The following RPS6KC1 variants were observed in gnomAD, a reference collection of about 807,000 sequenced individuals.
RPS6KC1 encodes inactive ribosomal protein S6 kinase delta-1.
Under a neutral mutation model 103.8 loss-of-function variants are expected in RPS6KC1, and 54 were observed. The ratio of observed to expected loss-of-function variants is 0.52; its 90% CI spans 0.42 to 0.65. The LOEUF (loss-of-function observed/expected upper bound fraction) is 0.65, where lower values mean the gene tolerates loss of function less well. Among genes scored for constraint, RPS6KC1 ranks in the 30% least tolerant of loss-of-function variants. The probability of loss-of-function intolerance (pLI) is 0.00; values close to 1 mark genes in which losing one functional copy is unlikely to be tolerated. For missense variants in RPS6KC1, 1,151 were observed against 1,253.8 expected, an observed-to-expected ratio of 0.92 and a Z score of 1.24; for synonymous variants, 439 against 438.7, an observed-to-expected ratio of 1.00 and a Z score of -0.01.
chr1:213,433,366 CA>C, the RPS6KC1 span, among the ~76,000 whole-genome samples: 5 of 152,220 alleles, frequency 3.3e-5, no homozygotes, highest in African/African-American at 9.6e-5. Flanking sequence ...ATTACAACTG[CA>C]AAGCCCCCTT....
chr1:213,831,378 G>A, the RPS6KC1 span, among the ~76,000 whole-genome samples: 2 of 152,182 alleles, frequency 1.3e-5, no homozygotes, highest in African/African-American at 4.8e-5. Context: ...GAAGCAAGAG[G>A]TTGGAGTGAT....
At chr1:213,643,731 C>T in the RPS6KC1 span, among the ~76,000 whole-genome samples, 1 of 151,694 alleles carries the variant, frequency 6.6e-6, no homozygotes, top group South Asian at 2.1e-4. Context: ...ATTGGAAGTT[C>T]TTCTAATGTT....
chr1:213,139,523 G>A (rs1358327636), intron 6 of RPS6KC1, among the ~76,000 whole-genome samples: 1 of 151,806 alleles, frequency 6.6e-6, no homozygotes. Context: ...TTTATATATG[G>A]TAAAAAGTAG....
chr1:213,351,227 T>G, the RPS6KC1 span, among the ~76,000 whole-genome samples: 6 of 152,212 alleles, frequency 3.9e-5, no homozygotes, highest in African/African-American at 1.4e-4. Context: ...TGTAGCTAGA[T>G]TTTAGTAGAC....
At chr1:213,582,840 T>A in the RPS6KC1 span, among the ~76,000 whole-genome samples, 1 of 152,202 alleles carries the variant, frequency 6.6e-6, no homozygotes, top group Non-Finnish European at 1.5e-5. Flanking sequence ...TGTATGCACT[T>A]TTGTAACACC....
At chr1:213,625,699 G>A in the RPS6KC1 span, among the ~76,000 whole-genome samples, 68 of 152,232 alleles carry the variant, frequency 4.5e-4, no homozygotes, top group African/African-American at 1.4e-3. Context: ...TTGTCCTTGC[G>A]ATAGTTTGCT....
downstream of RPS6KC1, among the ~76,000 whole-genome samples, chr1:213,275,519 C>T (rs1031950698): frequency 1.6e-4 from 24 of 152,152 alleles, no homozygotes; most frequent in African/African-American, 5.8e-4. Context: ...AGCCATTTAA[C>T]TGTGACATGA....
the RPS6KC1 span, among the ~76,000 whole-genome samples, chr1:213,689,289 T>C: frequency 6.6e-5 from 10 of 152,278 alleles, no homozygotes; most frequent in South Asian, 1.2e-3. Flanking sequence ...CCCTTCTCTT[T>C]AGTCTCCTTT....
At chr1:213,437,540 A>C in the RPS6KC1 span, among the ~76,000 whole-genome samples, 1 of 152,040 alleles carries the variant, frequency 6.6e-6, no homozygotes, top group Non-Finnish European at 1.5e-5. Context: ...AAGTTGATGT[A>C]AGATTGGGGC....
chr1:213,105,702 C>CA (rs2082421928), intron 4 of RPS6KC1, among the ~76,000 whole-genome samples: 1 of 152,156 alleles, frequency 6.6e-6, no homozygotes, highest in Non-Finnish European at 1.5e-5. Flanking sequence ...CACCATTCTG[C>CA]AAACTAGGCT....
At chr1:213,701,865 A>G in the RPS6KC1 span, among the ~76,000 whole-genome samples, 1 of 151,528 alleles carries the variant, frequency 6.6e-6, no homozygotes, top group African/African-American at 2.4e-5. Context: ...CAAAAATCCT[A>G]CTTTTGTTTC....
chr1:213,453,606 G>A, the RPS6KC1 span, among the ~76,000 whole-genome samples: 6 of 152,188 alleles, frequency 3.9e-5, no homozygotes, highest in Admixed American at 1.3e-4. Flanking sequence ...CAATTAGTGT[G>A]GTTGGAGCTC....
At chr1:213,409,928 T>TGA in the RPS6KC1 span, among the ~76,000 whole-genome samples, 1 of 152,184 alleles carries the variant, frequency 6.6e-6, no homozygotes, top group South Asian at 2.1e-4. Flanking sequence ...CTTGGGAGGC[T>TGA]GAGGCAGGAG....
the RPS6KC1 span, among the ~76,000 whole-genome samples, chr1:213,749,777 G>A: frequency 6.6e-6 from 1 of 152,178 alleles, no homozygotes; most frequent in Non-Finnish European, 1.5e-5. Flanking sequence ...ACAACTTCAG[G>A]AGAGGGCTCT....
At chr1:213,805,630 T>C in the RPS6KC1 span, among the ~76,000 whole-genome samples, 1 of 152,238 alleles carries the variant, frequency 6.6e-6, no homozygotes, top group Non-Finnish European at 1.5e-5. Context: ...AATGAAGTCT[T>C]AAATCCCTCA....
the RPS6KC1 span, among the ~76,000 whole-genome samples, chr1:213,338,005 C>T: frequency 6.6e-6 from 1 of 152,094 alleles, no homozygotes; most frequent in Non-Finnish European, 1.5e-5. Context: ...TGCATGTCTG[C>T]ATGTATGGTT....
the RPS6KC1 span, among the ~76,000 whole-genome samples, chr1:213,713,580 A>G: frequency 6.6e-6 from 1 of 152,178 alleles, no homozygotes; most frequent in African/African-American, 2.4e-5. Context: ...TTCTCCTAGG[A>G]CAGAATTAGG....
the RPS6KC1 span, among the ~76,000 whole-genome samples, chr1:213,591,278 C>G: frequency 6.6e-6 from 1 of 152,214 alleles, no homozygotes; most frequent in African/African-American, 2.4e-5. Flanking sequence ...AGGGTCAATT[C>G]CCCATGCCAA....
the RPS6KC1 span, among the ~76,000 whole-genome samples, chr1:213,591,649 A>G: frequency 1.3e-5 from 2 of 152,162 alleles, no homozygotes; most frequent in East Asian, 3.9e-4. Flanking sequence ...ACTTACAGTC[A>G]CACTGGGGCC....
Sources: allele counts gnomAD v4.1 joint callset (sites outside exome capture counted in the v4.1 genomes callset), GRCh38; gene constraint gnomAD v4.1.1; transcripts MANE v1.5; gene names NCBI Gene and HGNC (gene_info 2026-07-23, HGNC 2026-07-21).